Variants in GNL1 observed in about 807,000 individuals in gnomAD.
The protein encoded by GNL1 is guanine nucleotide-binding protein-like 1.
Under a neutral mutation model 75.2 loss-of-function variants are expected in GNL1, and 21 were observed. The observed-to-expected ratio is 0.28, with a 90% CI of 0.20 to 0.40. The LOEUF (loss-of-function observed/expected upper bound fraction) is 0.40. Ranked by LOEUF, GNL1 falls within the 10% of genes least tolerant of loss-of-function variation. The probability of loss-of-function intolerance (pLI) is 1.00; values close to 1 mark genes in which losing one functional copy is unlikely to be tolerated. For synonymous variants in GNL1, 287 were observed against 303.4 expected (o/e 0.95, Z 0.56); for missense variants, 579 against 775.0 (o/e 0.75, Z 3.00).
chr6:30,553,294 C>T (rs1582510342), intron 6 of GNL1, 56 bp downstream of exon 6: 3 of 975,730 alleles, frequency 3.1e-6, no homozygotes, highest in Admixed American at 4.5e-5. Flanking sequence ...CTGTTCTCCC[C>T]TTTGTCCCCT....
rs1331711546 is a variant in GNL1, at chr6:30,554,585, A to G, written c.590T>C (p.Ile197Thr). 6 of 1,586,440 alleles carry G rather than the reference A, an allele frequency of 3.8e-6. No individual in the cohort carries two copies. In the East Asian group the frequency reaches 6.7e-5, roughly 18 times the overall value. The change falls in exon 5 of 12, where the codon ATC (isoleucine) becomes ACC (threonine). Residue 197 changes from isoleucine to threonine, a missense_variant. By Grantham distance (89) the Ile-to-Thr change is moderately conservative (BLOSUM62 -1). Transcript: ENST00000376621. ...MSDIVLLITDIRHPVVNFPPA... is the reference protein window; with the variant it reads ...MSDIVLLITDTRHPVVNFPPA... ...ATCCCTAGTACTCACTGGATGTCGGATATCAGTGATAAGCAGGACGATGTC... is the reference window on the plus strand; with the variant it reads ...ATCCCTAGTACTCACTGGATGTCGGGTATCAGTGATAAGCAGGACGATGTC...
Position 30,555,022 on chromosome 6 carries a change from C to T in GNL1, c.376+33G>A. On this transcript the variant is annotated intron_variant, in intron 3 of 11. Coordinates refer to ENST00000376621, the MANE Select transcript of GNL1 (RefSeq NM_005275.5). This position sits in a 1 kb window ranked among gnomAD's most constrained non-coding sequence, Gnocchi z 4.3. ...CGGCTTTTACCTTTCCAAACTCCTT[C>T]CCCAGCCCAATGCCTGTCTTGCTCT... The T allele has an allele frequency of 6.2e-7, 1 of 1,612,626 alleles. No homozygotes were observed. The highest frequency in any genetic ancestry group is 1.6e-4 in the Middle Eastern group (1 of 6,062).
Position 30,555,552 on chromosome 6 carries a change from C to T in GNL1, c.239+3G>A. 1 of 1,611,624 alleles carries T rather than the reference C, an allele frequency of 6.2e-7. No individual in the cohort carries two copies. Among genetic ancestry groups the T allele is most frequent in the Non-Finnish European group, 8.5e-7 (1 of 1,178,374 alleles). On this transcript the variant is annotated splice_donor_region_variant and intron_variant, in intron 2 of 11. Coordinates refer to ENST00000376621, the MANE Select transcript of GNL1 (RefSeq NM_005275.5). This position sits in a 1 kb window ranked among gnomAD's most constrained non-coding sequence, Gnocchi z 4.3. ...CGGGACCAGCGCCCCCTCCCACCCT[C>T]ACCGATTTGGGTCGTAGCCTCGTGG...
In GNL1 at chr6:30,542,304, TCCTC is replaced by T. The variant is rs1799213943; in HGVS notation, c.*3764_*3767del. 1 of 152,102 alleles carries T rather than the reference TCCTC, an allele frequency of 6.6e-6. No homozygotes were observed. Among genetic ancestry groups the T allele is most frequent in the Non-Finnish European group, 1.5e-5 (1 of 68,022 alleles). The allele number at this position is 152,102 out of a possible 1,614,324, so 9.4% of individuals were successfully genotyped here. On this transcript the variant is annotated 3_prime_UTR_variant, in exon 12 of 12. Coordinates refer to ENST00000376621, the MANE Select transcript of GNL1 (RefSeq NM_005275.5). This position sits in a 1 kb window ranked among gnomAD's most constrained non-coding sequence, Gnocchi z 4.5. ...TCCACGCCGCCCTTCCTTCCTTCCTTCCTCCCCTAGCTTCATCACACCACGTTAC... is the reference window on the plus strand; with the variant it reads ...TCCACGCCGCCCTTCCTTCCTTCCTTCCCTAGCTTCATCACACCACGTTAC...
chr6:30,553,450 A>C lies in GNL1; in HGVS notation c.708T>G (p.Val236=), dbSNP rs376889015. Residue 236 remains valine, a synonymous_variant, in exon 6 of 12, where the codon GTT becomes GTG. Coordinates refer to ENST00000376621, the MANE Select transcript of GNL1 (RefSeq NM_005275.5). ...KVDLAPPALV[V]AWKHYFHQHY... ...GTTGATGGAAATAATGCTTCCAGGC[A>C]ACCACAAGAGCTGGCGGGGCCAGAT... is the stretch of plus-strand genomic sequence containing the variant. 2 of 1,612,910 alleles carry C rather than the reference A, an allele frequency of 1.2e-6. No homozygotes were observed. The highest frequency in any genetic ancestry group is 2.7e-5 in the African/African-American group (2 of 74,930).
Position 30,552,373 on chromosome 6 carries a change from G to A in GNL1, c.1099+94C>T. ...AGAGATCACCCCTCAGACACCCTGG[G>A]GCCTAATGAGACCTGATCGCCCTCT... On this transcript the variant is annotated intron_variant, in intron 8 of 11. Coordinates refer to ENST00000376621, the MANE Select transcript of GNL1 (RefSeq NM_005275.5). This position sits in a 1 kb window ranked among gnomAD's most constrained non-coding sequence, Gnocchi z 4.5. 1 of 1,050,560 alleles carries A rather than the reference G, an allele frequency of 9.5e-7. No homozygotes were observed. Among genetic ancestry groups the A allele is most frequent in the African/African-American group, 1.6e-5 (1 of 63,406 alleles). 65.1% of individuals were successfully genotyped at this position (1,050,560 alleles called of 1,614,324 possible).
In GNL1 at chr6:30,547,645, G is replaced by T. The variant is rs765492496; in HGVS notation, c.1100-115C>A. Reference sequence around the variant, plus strand: ...GCTCAGAAATTAAGGAAATGGTATTGCAGAATACAAATCACGCTCTGGGCT... The same window carrying T: ...GCTCAGAAATTAAGGAAATGGTATTTCAGAATACAAATCACGCTCTGGGCT... On this transcript the variant is annotated intron_variant, in intron 8 of 11. Transcript: ENST00000376621. The surrounding 1 kb of genome is among the most constrained non-coding windows in gnomAD (Gnocchi z 5.5). 2 of 897,362 alleles carry T rather than the reference G, an allele frequency of 2.2e-6. No individual in the cohort carries two copies. The highest frequency in any genetic ancestry group is 3.5e-6 in the Non-Finnish European group (2 of 571,818). 55.6% of individuals were successfully genotyped at this position (897,362 alleles called of 1,614,324 possible). A position where few individuals can be genotyped will look rare whatever the true frequency, so the allele number is the denominator to read the frequency against.
chr6:30,543,363 T>C lies in GNL1; in HGVS notation c.*2709A>G, dbSNP rs1026247513. ...AACTTATCACACTTTTTTTTTGTAATTGTGTTTCCATTCTCCAATAAATTG... is the reference window on the plus strand; with the variant it reads ...AACTTATCACACTTTTTTTTTGTAACTGTGTTTCCATTCTCCAATAAATTG... On this transcript the variant is annotated 3_prime_UTR_variant, in exon 12 of 12. Coordinates refer to ENST00000376621, the MANE Select transcript of GNL1 (RefSeq NM_005275.5). 1 of 152,242 alleles carries C rather than the reference T, an allele frequency of 6.6e-6. No homozygotes were observed. Among genetic ancestry groups the C allele is most frequent in the Non-Finnish European group, 1.5e-5 (1 of 68,024 alleles). The allele number at this position is 152,242 out of a possible 1,614,324, so 9.4% of individuals were successfully genotyped here.
rs559571113 is a variant in GNL1 at position 30,547,218 on chromosome 6, G to A, written c.1335C>T (p.Gly445=). Residue 445 remains glycine, a synonymous_variant, in exon 10 of 12, where the codon GGC becomes GGT. Coordinates refer to ENST00000376621, the MANE Select transcript of GNL1 (RefSeq NM_005275.5). The surrounding 1 kb of genome is among the most constrained non-coding windows in gnomAD (Gnocchi z 5.5). ...AQIQEPYTAV[G]YLASRIPVQA... is the part of the protein sequence containing the mutation. ...GCACGGGAATTCGGGAGGCCAGGTA[G>A]CCCACAGCAGTGTAGGGCTCCTGGA... 27 of 1,613,198 alleles carry A rather than the reference G, an allele frequency of 1.7e-5. 1 individual carries two copies. In the South Asian group the frequency reaches 2.3e-4, roughly 14 times the overall value.
At position 30,554,815 on chromosome 6, in the gene GNL1, A is replaced by G; in HGVS notation, c.477T>C (p.Ile159=). The change falls in exon 4 of 12, where the codon ATT becomes ATC. Residue 159 remains isoleucine (I), a synonymous_variant. Transcript: ENST00000376621. ...ERSFQDYLGK[I]HGAYSSEKLS... ...GTTTCTCAGAGGAGTAAGCCCCATGAATCTTCCCAAGATAGTCTTGGAAGC... is the reference window on the plus strand; with the variant it reads ...GTTTCTCAGAGGAGTAAGCCCCATGGATCTTCCCAAGATAGTCTTGGAAGC... The G allele has an allele frequency of 6.2e-7, 1 of 1,612,850 alleles. No individual in the cohort carries two copies. Among genetic ancestry groups the G allele is most frequent in the Non-Finnish European group, 8.5e-7 (1 of 1,179,886 alleles).
chr6:30,555,280 C>T lies in GNL1; in HGVS notation c.240-89G>A. 1.3e-6 allele frequency: 2 copies of T among 1,517,638 alleles called. No homozygotes were observed. The highest frequency in any genetic ancestry group is 1.8e-6 in the Non-Finnish European group (2 of 1,101,440). The allele number at this position is 1,517,638 out of a possible 1,614,324, so 94.0% of individuals were successfully genotyped here. Reference sequence around the variant, plus strand: ...CTCTTGTACAATCAACTTCGCAAACCATTCTCTCCAGAGTCGTTCAAGTCT... The same window carrying T: ...CTCTTGTACAATCAACTTCGCAAACTATTCTCTCCAGAGTCGTTCAAGTCT... On this transcript the variant is annotated intron_variant, in intron 2 of 11. Coordinates refer to ENST00000376621, the MANE Select transcript of GNL1 (RefSeq NM_005275.5). The surrounding 1 kb of genome is among the most constrained non-coding windows in gnomAD (Gnocchi z 4.3).
chr6:30,553,266 C>A, intron 6 of GNL1, 84 bp downstream of exon 6: 4 of 1,449,896 alleles, frequency 2.8e-6, no homozygotes, highest in African/African-American at 1.4e-5. Flanking sequence ...CCAGGTGCCC[C>A]CTTGTCAATA....
Position 30,553,112 on chromosome 6 carries a change from T to G in GNL1, c.876A>C (p.Arg292Ser). 1 of 1,613,564 alleles carries G rather than the reference T, an allele frequency of 6.2e-7. No homozygotes were observed. The highest frequency in any genetic ancestry group is 8.5e-7 in the Non-Finnish European group (1 of 1,179,530). The change falls in exon 7 of 12, where the codon AGA (arginine) becomes AGC (serine). Residue 292 changes from arginine to serine, a missense_variant. Transcript: ENST00000376621. Reference sequence around the variant, plus strand: ...TCCCCACAGTGATGGCTTCACAGGCTCTCAGCAACTGCTCTGGCCCCAGGG... The same window carrying G: ...TCCCCACAGTGATGGCTTCACAGGCGCTCAGCAACTGCTCTGGCCCCAGGG... ...TRALGPEQLL[R>S]ACEAITVGKV...
rs1047808455 is a variant in GNL1 at position 30,543,682 on chromosome 6, T to C, written c.*2390A>G. ...GTTATTGTCCCAGAACTCAGGGATA[T>C]ATGTCTGGCATATATTGTTTTTAAC... is the stretch of plus-strand genomic sequence containing the variant. On this transcript the variant is annotated 3_prime_UTR_variant, in exon 12 of 12. Coordinates refer to ENST00000376621, the MANE Select transcript of GNL1 (RefSeq NM_005275.5). 1 of 152,210 alleles carries C rather than the reference T, an allele frequency of 6.6e-6. No individual in the cohort carries two copies. Among genetic ancestry groups the C allele is most frequent in the Non-Finnish European group, 1.5e-5 (1 of 68,052 alleles). The allele number at this position is 152,210 out of a possible 1,614,324, so 9.4% of individuals were successfully genotyped here.
In GNL1 at chr6:30,547,028, G is replaced by GGAGACAGGGAAGGGTAAAAGGC; in HGVS notation, c.1441+62_1441+83dup. The GGAGACAGGGAAGGGTAAAAGGC allele has an allele frequency of 7.7e-7, 1 of 1,303,456 alleles. No homozygotes were observed. 80.7% of individuals were successfully genotyped at this position (1,303,456 alleles called of 1,614,324 possible). A position where few individuals can be genotyped will look rare whatever the true frequency, so the allele number is the denominator to read the frequency against. On this transcript the variant is annotated intron_variant, in intron 10 of 11. Coordinates refer to ENST00000376621, the MANE Select transcript of GNL1 (RefSeq NM_005275.5). The surrounding 1 kb of genome is among the most constrained non-coding windows in gnomAD (Gnocchi z 5.5). ...TGGCAGAATCTCTGAGGAGAGGAAA[G>GGAGACAGGGAAGGGTAAAAGGC]GAGACAGGGAAGGGTAAAAGGCGAG... is the stretch of plus-strand genomic sequence containing the variant.
intron 8 of GNL1, among the ~76,000 whole-genome samples, chr6:30,551,329 A>C (rs553681289): frequency 6.6e-6 from 1 of 152,310 alleles, no homozygotes; most frequent in South Asian, 2.1e-4. Context: ...AAATGACTGG[A>C]AAGAGGAGCA....
chr6:30,546,786 C>T lies in GNL1; in HGVS notation c.1492G>A (p.Val498Met), dbSNP rs776441906. 6.3e-7 allele frequency: 1 copy of T among 1,598,722 alleles called. No individual in the cohort carries two copies. Among genetic ancestry groups the T allele is most frequent in the Admixed American group, 1.7e-5 (1 of 59,586 alleles). ...AAGAGACTGTTGGCTGCTCTGTACACATCATTCCGAGCCGCCTTGGCTGTC... is the reference window on the plus strand; with the variant it reads ...AAGAGACTGTTGGCTGCTCTGTACATATCATTCCGAGCCGCCTTGGCTGTC... ...YKTAKAARND[V>M]YRAANSLLRL... The change falls in exon 11 of 12, where the codon GTG (valine) becomes ATG (methionine). Residue 498 changes from valine (V) to methionine (M), a missense_variant. Val to Met is a conservative substitution (Grantham distance 21). Coordinates refer to ENST00000376621, the MANE Select transcript of GNL1 (RefSeq NM_005275.5). The surrounding 1 kb of genome is among the most constrained non-coding windows in gnomAD (Gnocchi z 5.1).
chr6:30,554,125 G>A (rs549413297), intron 5 of GNL1, among the ~76,000 whole-genome samples: 99 of 152,338 alleles, frequency 6.5e-4, no homozygotes, highest in South Asian at 2.7e-3. Context: ...GAGTGAAGTT[G>A]CAGAGCTAGG....
At chr6:30,553,008 G>A in intron 7 of GNL1, 76 bp downstream of exon 7, 1 of 1,045,264 alleles carries the variant, frequency 9.6e-7, no homozygotes. Context: ...TTGGCTTCAG[G>A]AAAGGTGAGC....
Sources: allele counts gnomAD v4.1 joint callset (sites outside exome capture counted in the v4.1 genomes callset), GRCh38; gene constraint gnomAD v4.1.1; non-coding constraint Gnocchi (gnomAD v3.1); transcripts MANE v1.5; gene names NCBI Gene and HGNC (gene_info 2026-07-23, HGNC 2026-07-21).